The following ARHGAP24 variants were observed in gnomAD, a reference collection of about 807,000 sequenced individuals.
The protein encoded by ARHGAP24 is Rho GTPase activating protein 24, also known as rho GTPase-activating protein 24.
A neutral mutation model predicts 76.4 loss-of-function variants in ARHGAP24; 50 were observed. The ratio of observed to expected loss-of-function variants is 0.65; its 90% CI spans 0.52 to 0.83. The LOEUF (loss-of-function observed/expected upper bound fraction) is 0.83, where lower values mean the gene tolerates loss of function less well. Ranked by LOEUF, ARHGAP24 falls within the 40% of genes least tolerant of loss-of-function variation. The pLI is 0.00. For synonymous variants in ARHGAP24, 345 were observed against 323.3 expected (o/e 1.07, Z -0.72); for missense variants, 930 against 914.2 (o/e 1.02, Z -0.22).
intron 2 of ARHGAP24, among the ~76,000 whole-genome samples, chr4:85,643,730 T>C (rs1321743158): frequency 1.3e-5 from 2 of 152,196 alleles, no homozygotes; most frequent in Admixed American, 6.5e-5. Context: ...GATCTTTGTT[T>C]TATTCCCCAA....
intron 2 of ARHGAP24, among the ~76,000 whole-genome samples, chr4:85,599,038 CT>C (rs796219659): frequency 2.0e-4 from 30 of 152,082 alleles, no homozygotes; most frequent in African/African-American, 6.8e-4. Context: ...GTATTTTACA[CT>C]TAAAGCACAT....
At chr4:85,720,323 A>G (rs1724883507) in intron 2 of ARHGAP24, among the ~76,000 whole-genome samples, 1 of 152,176 alleles carries the variant, frequency 6.6e-6, no homozygotes, top group South Asian at 2.1e-4. Context: ...GTGAAGAGGC[A>G]TTTGAAAAAT....
At chr4:85,688,185 C>T (rs1255134994) in intron 2 of ARHGAP24, among the ~76,000 whole-genome samples, 1 of 152,146 alleles carries the variant, frequency 6.6e-6, no homozygotes, top group African/African-American at 2.4e-5. Flanking sequence ...TTTACATTTG[C>T]ACCAACAATG....
chr4:85,787,708 G>T (rs1727916700), intron 3 of ARHGAP24, among the ~76,000 whole-genome samples: 1 of 152,098 alleles, frequency 6.6e-6, no homozygotes, highest in Admixed American at 6.6e-5. Context: ...GGAGCCAAAG[G>T]CAGAATCAGA....
chr4:85,745,225 G>A (rs1178962431), intron 3 of ARHGAP24, among the ~76,000 whole-genome samples: 1 of 150,992 alleles, frequency 6.6e-6, no homozygotes, highest in Admixed American at 6.6e-5. Flanking sequence ...AAACACTTAA[G>A]ACCAGGAATT....
intron 3 of ARHGAP24, among the ~76,000 whole-genome samples, chr4:85,905,392 T>C (rs2148794426): frequency 6.6e-6 from 1 of 152,302 alleles, no homozygotes; most frequent in Admixed American, 6.5e-5. Flanking sequence ...GTCTGTTTTT[T>C]TGGCATGAAA....
chr4:85,913,334 C>T (rs188720244), intron 3 of ARHGAP24, among the ~76,000 whole-genome samples: 1 of 151,370 alleles, frequency 6.6e-6, no homozygotes, highest in East Asian at 1.9e-4. Context: ...ATCCAGTTAC[C>T]TACATCTAGT....
intron 2 of ARHGAP24, among the ~76,000 whole-genome samples, chr4:85,688,745 AT>A (rs142270351): frequency 9.9e-5 from 15 of 152,000 alleles, no homozygotes; most frequent in South Asian, 2.1e-4. Flanking sequence ...TTTTGAGTTG[AT>A]TTTTTTTAAG....
intron 2 of ARHGAP24, among the ~76,000 whole-genome samples, chr4:85,661,933 T>G: frequency 6.6e-6 from 1 of 152,218 alleles, no homozygotes. Context: ...GACATTTGGG[T>G]TGGTTCCAAG....
At chr4:85,610,801 A>G (rs1474011769) in intron 2 of ARHGAP24, among the ~76,000 whole-genome samples, 2 of 152,160 alleles carry the variant, frequency 1.3e-5, no homozygotes, top group African/African-American at 4.8e-5. Flanking sequence ...GGCCTCCTAC[A>G]GTAGTGCCTC....
chr4:85,756,084 A>G (rs1726480763), intron 3 of ARHGAP24, among the ~76,000 whole-genome samples: 2 of 152,300 alleles, frequency 1.3e-5, no homozygotes, highest in Non-Finnish European at 2.9e-5. Context: ...ATGTATTGTA[A>G]TGTATGTATC....
At chr4:85,789,316 A>T (rs1728007241) in intron 3 of ARHGAP24, among the ~76,000 whole-genome samples, 1 of 151,940 alleles carries the variant, frequency 6.6e-6, no homozygotes, top group South Asian at 2.1e-4. Context: ...TGGCATAGAA[A>T]CTCTACAGAG....
At chr4:85,494,282 C>T (rs1723470997) in intron 1 of ARHGAP24, among the ~76,000 whole-genome samples, 1 of 152,130 alleles carries the variant, frequency 6.6e-6, no homozygotes, top group African/African-American at 2.4e-5. Flanking sequence ...CCCCTCACAC[C>T]CCATCCCCCA....
At chr4:85,495,169 G>A (rs1723517072) in intron 1 of ARHGAP24, among the ~76,000 whole-genome samples, 1 of 150,318 alleles carries the variant, frequency 6.7e-6, no homozygotes, top group African/African-American at 2.4e-5. Context: ...TTGTCTTCCT[G>A]AAAGACATGA....
At chr4:85,840,933 C>T (rs1313976389) in intron 3 of ARHGAP24, among the ~76,000 whole-genome samples, 1 of 152,144 alleles carries the variant, frequency 6.6e-6, no homozygotes, top group Non-Finnish European at 1.5e-5. Flanking sequence ...AATTTAGTCT[C>T]TTCTTTTTGA....
intron 8 of ARHGAP24, among the ~76,000 whole-genome samples, chr4:85,980,960 A>T (rs1423208485): frequency 6.6e-6 from 1 of 152,240 alleles, no homozygotes; most frequent in Non-Finnish European, 1.5e-5. Context: ...ACAATAGGGA[A>T]GAAAATTCCA....
intron 3 of ARHGAP24, among the ~76,000 whole-genome samples, chr4:85,739,994 A>G (rs1377292377): frequency 6.6e-6 from 1 of 152,128 alleles, no homozygotes; most frequent in Non-Finnish European, 1.5e-5. Context: ...CCAGCCACAC[A>G]GACTTGCCAC....
chr4:85,991,504 A>T (rs1740319231), intron 8 of ARHGAP24: 2 of 152,168 alleles, frequency 1.3e-5, no homozygotes, highest in African/African-American at 4.8e-5. Flanking sequence ...CATCTACAGC[A>T]AGTAATACTA....
chr4:85,763,877 A>C (rs1467960840), intron 3 of ARHGAP24, among the ~76,000 whole-genome samples: 1 of 152,172 alleles, frequency 6.6e-6, no homozygotes, highest in Non-Finnish European at 1.5e-5. Context: ...TTCACAATGA[A>C]GGCTTTCACA....
Sources: gnomAD v4.1 joint callset for allele counts (sites outside exome capture counted in the v4.1 genomes callset) on GRCh38, gnomAD v4.1.1 for gene constraint, MANE v1.5 for transcripts, NCBI Gene and HGNC (gene_info 2026-07-23, HGNC 2026-07-21) for gene names.